TBC1D30: variants seen among roughly 807,000 people sequenced by gnomAD.
The protein encoded by TBC1D30 is TBC1 domain family, member 30.
Under a neutral mutation model 63.2 loss-of-function variants are expected in TBC1D30, and 31 were observed. The ratio of observed to expected loss-of-function variants is 0.49; its 90% CI spans 0.37 to 0.66. The LOEUF is 0.66. TBC1D30 is among the 30% of genes least tolerant of loss of function. The probability of loss-of-function intolerance (pLI) is 0.00; values close to 1 mark genes in which losing one functional copy is unlikely to be tolerated. For missense variants in TBC1D30, 810 were observed against 953.6 expected (o/e 0.85, Z 1.98); for synonymous variants, 307 against 361.5 (o/e 0.85, Z 1.71).
chr12:64,776,259 CA>C (rs1159590373), upstream of TBC1D30, among the ~76,000 whole-genome samples: 1 of 151,908 alleles, frequency 6.6e-6, no homozygotes, highest in Non-Finnish European at 1.5e-5. Context: ...AATAAATAAC[CA>C]AAATCAGAGG....
At chr12:64,826,490 T>C (rs1439305567) in intron 1 of TBC1D30, among the ~76,000 whole-genome samples, 1 of 152,200 alleles carries the variant, frequency 6.6e-6, no homozygotes, top group Non-Finnish European at 1.5e-5. Flanking sequence ...GTCATGATTA[T>C]ACGCTCCTCC....
rs1482160632 is a variant in TBC1D30, at chr12:64,866,772, G to GTA, written c.1161_1162dup (p.Lys388IlefsTer52). On this transcript the variant is annotated frameshift_variant, in exon 10 of 12. Coordinates refer to ENST00000539867, the MANE Select transcript of TBC1D30 (RefSeq NM_015279.2). LOFTEE classifies it high-confidence loss of function. ...CTTTTATGTTTTCCAAGACGACATA[G>GTA]TAAGGCCAGAGACAGTGATGAAGAG... 1.3e-6 allele frequency: 2 copies of GTA among 1,535,670 alleles called. No individual in the cohort carries two copies. The highest frequency in any genetic ancestry group is 2.7e-5 in the African/African-American group (2 of 72,932).
At position 64,880,187 on chromosome 12, in the gene TBC1D30, G is replaced by C. The variant is rs927612971; in HGVS notation, c.*4399G>C. ...ATGGATGGGAGGCCTTTGCTGGACA[G>C]TGGCTGAAGGCAGAACTGTTGGAGT... On this transcript the variant is annotated 3_prime_UTR_variant, in exon 12 of 12. Coordinates refer to ENST00000539867, the MANE Select transcript of TBC1D30 (RefSeq NM_015279.2). 5 of 152,354 alleles carry C rather than the reference G, an allele frequency of 3.3e-5. No homozygotes were observed. The highest frequency in any genetic ancestry group is 1.2e-4 in the African/African-American group (5 of 41,466). 9.4% of individuals were successfully genotyped at this position (152,354 alleles called of 1,614,324 possible).
At chr12:64,785,735 G>A (rs1476999233) in intron 1 of TBC1D30, 1 of 469,134 alleles carries the variant, frequency 2.1e-6, no homozygotes, top group Non-Finnish European at 3.5e-6. Context: ...GAATGTCCGA[G>A]CTGAATGCAT....
At chr12:64,808,788 G>A (rs1833206642) in intron 2 of TBC1D30, among the ~76,000 whole-genome samples, 1 of 151,044 alleles carries the variant, frequency 6.6e-6, no homozygotes, top group South Asian at 2.1e-4. Context: ...TTGTCCTCTT[G>A]TGATGGGTTT....
At chr12:64,823,996 T>C (rs1039704258), upstream of TBC1D30, among the ~76,000 whole-genome samples, 2 of 148,628 alleles carry the variant, frequency 1.3e-5, no homozygotes, top group Non-Finnish European at 3.0e-5. Context: ...TATCTTTATA[T>C]CCCCCCCCCA....
chr12:64,824,150 T>G (rs914188013), upstream of TBC1D30, among the ~76,000 whole-genome samples: 2 of 152,188 alleles, frequency 1.3e-5, no homozygotes, highest in Non-Finnish European at 2.9e-5. Context: ...GGAACATTAC[T>G]TTTTAATACT....
In TBC1D30 at chr12:64,824,942, C is replaced by T. The variant is rs1397300364; in HGVS notation, c.63C>T (p.Gly21=). The T allele has an allele frequency of 9.1e-6, 14 of 1,534,506 alleles. No individual in the cohort carries two copies. The highest frequency in any genetic ancestry group is 1.2e-5 in the Non-Finnish European group (14 of 1,146,582). ...GGGGGAGATGCCTGAAGCGGCAGGG[C>T]GGCGGCGTGGGCACCATCCTGAGCA... ...RRGGRCLKRQ[G]GGVGTILSNV... is the part of the protein sequence containing the mutation. Residue 21 remains glycine (G), a synonymous_variant, in exon 1 of 12, where the codon GGC becomes GGT. Coordinates refer to ENST00000539867, the MANE Select transcript of TBC1D30 (RefSeq NM_015279.2).
intron 2 of TBC1D30, among the ~76,000 whole-genome samples, chr12:64,806,290 G>T (rs575385519): frequency 7.2e-5 from 11 of 152,324 alleles, no homozygotes; most frequent in African/African-American, 2.2e-4. Flanking sequence ...AATATAGTTA[G>T]GAAATGAGAG....
At position 64,824,954 on chromosome 12, in the gene TBC1D30, C is replaced by T. The variant is rs1402939572; in HGVS notation, c.75C>T (p.Gly25=). The change falls in exon 1 of 12, where the codon GGC becomes GGT. Residue 25 remains glycine (G), a synonymous_variant. Coordinates refer to ENST00000539867, the MANE Select transcript of TBC1D30 (RefSeq NM_015279.2). ...RCLKRQGGGV[G]TILSNVLKKR... is the part of the protein sequence containing the mutation. ...TGAAGCGGCAGGGCGGCGGCGTGGGCACCATCCTGAGCAATGTGCTCAAGA... is the reference window on the plus strand; with the variant it reads ...TGAAGCGGCAGGGCGGCGGCGTGGGTACCATCCTGAGCAATGTGCTCAAGA... 5.2e-6 allele frequency: 8 copies of T among 1,534,734 alleles called. No homozygotes were observed. The highest frequency in any genetic ancestry group is 6.1e-6 in the Non-Finnish European group (7 of 1,146,608).
Position 64,838,719 on chromosome 12 carries a change from T to C in TBC1D30, c.800T>C (p.Met267Thr). The change falls in exon 7 of 12, where the codon ATG becomes ACG. Residue 267 changes from methionine (M) to threonine (T), a missense_variant. This residue lies in a region of TBC1D30 where 272 missense variants were observed against 335.9 expected (regional missense o/e 0.81). Coordinates refer to ENST00000539867, the MANE Select transcript of TBC1D30 (RefSeq NM_015279.2). ...CCCCCACTTACAAATGTCTTCACGATGCAGTGGTTTCTGACTCTCTTTGCC... is the reference window on the plus strand; with the variant it reads ...CCCCCACTTACAAATGTCTTCACGACGCAGTGGTTTCTGACTCTCTTTGCC... ...YEPPLTNVFT[M>T]QWFLTLFATC... The C allele has an allele frequency of 6.5e-7, 1 of 1,536,652 alleles. No individual in the cohort carries two copies. The highest frequency in any genetic ancestry group is 8.7e-7 in the Non-Finnish European group (1 of 1,147,028).
chr12:64,772,595 C>CATTT (rs900710944), intron 1 of TBC1D30, among the ~76,000 whole-genome samples: 1 of 151,984 alleles, frequency 6.6e-6, no homozygotes, highest in African/African-American at 2.4e-5. Context: ...GTGCCTAGCT[C>CATTT]ATTTTTGTAT....
chr12:64,823,354 AAGAG>A (rs1405587948), upstream of TBC1D30, among the ~76,000 whole-genome samples: 1 of 152,214 alleles, frequency 6.6e-6, no homozygotes, highest in African/African-American at 2.4e-5. Context: ...ATGTCAACTT[AAGAG>A]AGAATTATTT....
chr12:64,859,066 A>G (rs937511248), intron 8 of TBC1D30, among the ~76,000 whole-genome samples: 4 of 151,292 alleles, frequency 2.6e-5, no homozygotes, highest in African/African-American at 4.9e-5. Flanking sequence ...GGAGGGGTGC[A>G]TATATATGCG....
intron 8 of TBC1D30, among the ~76,000 whole-genome samples, chr12:64,858,099 CT>C (rs2136442473): frequency 1.3e-5 from 2 of 152,276 alleles, no homozygotes; most frequent in South Asian, 4.1e-4. Context: ...TGTTATCGTG[CT>C]TCTCTGTGTA....
intron 8 of TBC1D30, among the ~76,000 whole-genome samples, chr12:64,847,484 C>T (rs1055535953): frequency 3.3e-5 from 5 of 152,184 alleles, no homozygotes; most frequent in East Asian, 1.9e-4. Context: ...ATTTATTTGA[C>T]GTTTTTCTTG....
intron 10 of TBC1D30, 97 bp from the exon 11 acceptor site, chr12:64,870,505 G>A: frequency 1.0e-6 from 1 of 966,638 alleles, no homozygotes; most frequent in Non-Finnish European, 1.6e-6. Context: ...ATTTCATGGA[G>A]GTTAAGATAC....
chr12:64,780,748 A>G (rs1871223736), exon 1 of TBC1D30: 1 of 986,814 alleles, frequency 1.0e-6, no homozygotes, highest in African/African-American at 1.7e-5. Flanking sequence ...TCCTCCCGGA[A>G]CTGGCCGGCG....
intron 2 of TBC1D30, among the ~76,000 whole-genome samples, chr12:64,814,078 C>G (rs1008738475): frequency 4.1e-4 from 62 of 152,112 alleles, no homozygotes; most frequent in Non-Finnish European, 7.9e-4. Context: ...GAGATAGGGT[C>G]TGGCTCTGTC....
Sources: gnomAD v4.1 joint callset for allele counts (sites outside exome capture counted in the v4.1 genomes callset) on GRCh38, gnomAD v4.1.1 for gene constraint, gnomAD v4.1.1 regional missense constraint, MANE v1.5 for transcripts, NCBI Gene and HGNC (gene_info 2026-07-23, HGNC 2026-07-21) for gene names.